Variants in GBP6 observed in about 807,000 individuals in gnomAD.
GBP6 encodes guanylate binding protein family member 6.
GBP6 carries 54 observed loss-of-function variants against 61.5 expected under a neutral mutation model. The observed-to-expected ratio is 0.88, with a 90% CI of 0.71 to 1.10. The LOEUF (loss-of-function observed/expected upper bound fraction) is 1.10. GBP6 is among the 50% of genes least tolerant of loss of function. GBP6 has a pLI of 0.00. For missense variants in GBP6, 748 were observed against 752.8 expected, an observed-to-expected ratio of 0.99 and a Z score of 0.07; for synonymous variants, 255 against 273.7, an observed-to-expected ratio of 0.93 and a Z score of 0.67.
intron 2 of GBP6, 112 bp downstream of exon 2, chr1:89,368,853 C>A: frequency 3.4e-6 from 3 of 876,778 alleles, no homozygotes; most frequent in Non-Finnish European, 5.2e-6. Flanking sequence ...TTCAATAAAC[C>A]AACCTTCTCA....
chr1:89,378,388 A>T (rs1297006651), intron 4 of GBP6, 29 bp from the exon 5 acceptor site: 1 of 1,594,320 alleles, frequency 6.3e-7, no homozygotes, highest in Non-Finnish European at 8.5e-7. Flanking sequence ...TTGTGGGCAG[A>T]CAGTTGCTTT....
In GBP6 at chr1:89,386,127, C is replaced by A. The variant is rs76197787; in HGVS notation, c.*658C>A. 6.7e-6 allele frequency: 1 copy of A among 150,034 alleles called. No homozygotes were observed. Among genetic ancestry groups the A allele is most frequent in the Non-Finnish European group, 1.5e-5 (1 of 67,750 alleles). 9.3% of individuals were successfully genotyped at this position (150,034 alleles called of 1,614,324 possible). On this transcript the variant is annotated 3_prime_UTR_variant, in exon 11 of 11. Coordinates refer to ENST00000370456, the MANE Select transcript of GBP6 (RefSeq NM_198460.3). Reference sequence around the variant, plus strand: ...AATTGACAATGAAGCTCTATTTGTACCAGTAAAGAATGGTCTTGAAGAGAC... The same window carrying A: ...AATTGACAATGAAGCTCTATTTGTAACAGTAAAGAATGGTCTTGAAGAGAC...
chr1:89,366,896 C>G (rs998794265), intron 1 of GBP6, among the ~76,000 whole-genome samples: 2 of 152,132 alleles, frequency 1.3e-5, no homozygotes, highest in Non-Finnish European at 2.9e-5. Context: ...TATTCTAGTA[C>G]CTCATACAAT....
chr1:89,364,548 A>G (rs1188309660), intron 1 of GBP6, among the ~76,000 whole-genome samples: 1 of 151,652 alleles, frequency 6.6e-6, no homozygotes, highest in Non-Finnish European at 1.5e-5. Flanking sequence ...ATAAATCTCT[A>G]TGTAGAAATA....
chr1:89,372,148 T>C (rs1359704128), intron 3 of GBP6, among the ~76,000 whole-genome samples: 2 of 152,076 alleles, frequency 1.3e-5, no homozygotes, highest in African/African-American at 4.8e-5. Context: ...CAAACCACTG[T>C]GCAATGAAAT....
intron 1 of GBP6, among the ~76,000 whole-genome samples, chr1:89,364,524 A>G (rs1652405211): frequency 6.6e-6 from 1 of 152,230 alleles, no homozygotes; most frequent in Non-Finnish European, 1.5e-5. Context: ...GGAAAGCTTC[A>G]GAATAAGAGC....
intron 2 of GBP6, 68 bp from the exon 3 acceptor site, chr1:89,369,478 T>A (rs1350678739): frequency 2.8e-5 from 43 of 1,557,668 alleles, no homozygotes; most frequent in Non-Finnish European, 1.0e-5. Context: ...ACCAGTCTGA[T>A]GCTGTGGCCC....
chr1:89,369,502 C>T (rs1652561519), intron 2 of GBP6, 44 bp from the exon 3 acceptor site: 1 of 1,590,128 alleles, frequency 6.3e-7, no homozygotes, highest in African/African-American at 1.3e-5. Context: ...GGCGGCTTGG[C>T]TGCTCTGCTG....
intron 3 of GBP6, among the ~76,000 whole-genome samples, chr1:89,371,760 G>A (rs1652650249): frequency 6.6e-6 from 1 of 152,198 alleles, no homozygotes. Flanking sequence ...GCACAAGACA[G>A]GGATGCCCTC....
At chr1:89,380,669 G>T in intron 6 of GBP6, 38 bp downstream of exon 6, 1 of 1,594,738 alleles carries the variant, frequency 6.3e-7, no homozygotes, top group South Asian at 1.1e-5. Flanking sequence ...GGCCTCATGT[G>T]TGTTGAATAT....
At position 89,369,570 on chromosome 1, in the gene GBP6, A is replaced by T. The variant is rs1385579014; in HGVS notation, c.215A>T (p.Gln72Leu). The change falls in exon 3 of 11, where the codon CAG becomes CTG. Residue 72 changes from glutamine (Q) to leucine (L), a missense_variant. Transcript: ENST00000370456. ...NHGFPLGSTV[Q>L]SETKGIWMWC... is the part of the protein sequence containing the mutation. ...GGCTTCCCTCTGGGCTCCACGGTGC[A>T]GTCTGAAACCAAGGGCATCTGGATG... The T allele has an allele frequency of 1.9e-6, 3 of 1,613,972 alleles. No individual in the cohort carries two copies. The highest frequency in any genetic ancestry group is 2.5e-6 in the Non-Finnish European group (3 of 1,179,960).
intron 3 of GBP6, among the ~76,000 whole-genome samples, chr1:89,373,228 T>G (rs1313210451): frequency 6.6e-6 from 1 of 152,202 alleles, no homozygotes; most frequent in African/African-American, 2.4e-5. Flanking sequence ...GACCGTAAAC[T>G]AGTTCAACCA....
chr1:89,383,697 G>A lies in GBP6; in HGVS notation c.1411G>A (p.Glu471Lys), dbSNP rs116173091. 1.8e-3 allele frequency: 2,926 copies of A among 1,612,798 alleles called. 41 individuals are homozygous for A. The African/African-American group carries it at 0.032, about 18-fold the overall frequency. The stretch of plus-strand genomic sequence containing the variant: ...GTTCCTGGAGTCACAGATGGTGATA[G>A]AGGAATCCATCTTGCAGTCAGATAA... ...QRFLESQMVIEESILQSDKAL... is the reference protein window; with the variant it reads ...QRFLESQMVIKESILQSDKAL... The change falls in exon 9 of 11, where the codon GAG becomes AAG. Residue 471 changes from glutamate to lysine, a missense_variant. Transcript: ENST00000370456.
In GBP6 at chr1:89,385,687, C is replaced by A. The variant is rs750531015; in HGVS notation, c.*218C>A. The A allele has an allele frequency of 2.4e-6, 1 of 419,924 alleles. No individual in the cohort carries two copies. Among genetic ancestry groups the A allele is most frequent in the Admixed American group, 4.1e-5 (1 of 24,116 alleles). 26.0% of individuals were successfully genotyped at this position (419,924 alleles called of 1,614,324 possible). A position where few individuals can be genotyped will look rare whatever the true frequency, so the allele number is the denominator to read the frequency against. ...AGCTGGGATTATAGGTGTACACCAC[C>A]ACACCCAGCTAATTTTTGTATTTTT... On this transcript the variant is annotated 3_prime_UTR_variant, in exon 11 of 11. Coordinates refer to ENST00000370456, the MANE Select transcript of GBP6 (RefSeq NM_198460.3).
chr1:89,376,473 T>C (rs1201318265), intron 3 of GBP6, among the ~76,000 whole-genome samples: 1 of 152,204 alleles, frequency 6.6e-6, no homozygotes, highest in Non-Finnish European at 1.5e-5. Context: ...GGGACCATCC[T>C]TTCTTCAATA....
At chr1:89,375,760 G>A (rs77161509) in intron 3 of GBP6, among the ~76,000 whole-genome samples, 14,826 of 152,062 alleles carry the variant, frequency 0.097, 986 homozygotes, top group Middle Eastern at 0.16. Context: ...TTAATTTGAC[G>A]CAGTCTCACT....
chr1:89,384,272 G>A lies in GBP6; in HGVS notation c.1648G>A (p.Glu550Lys). 1 of 1,612,034 alleles carries A rather than the reference G, an allele frequency of 6.2e-7. No homozygotes were observed. Among genetic ancestry groups the A allele is most frequent in the Non-Finnish European group, 8.5e-7 (1 of 1,179,118 alleles). Residue 550 changes from glutamate to lysine, a missense_variant, in exon 10 of 11, where the codon GAG (glutamate) becomes AAG (lysine). Transcript: ENST00000370456. Reference sequence around the variant, plus strand: ...ACTGAGAGAGCAGATTATGATGTTGGAGCACACGCAGAAGGTAAGTCTGCC... The same window carrying A: ...ACTGAGAGAGCAGATTATGATGTTGAAGCACACGCAGAAGGTAAGTCTGCC... ...HLLREQIMML[E>K]HTQKVQNDWL...
intron 6 of GBP6, 145 bp from the exon 7 acceptor site, chr1:89,381,549 C>A: frequency 3.0e-6 from 2 of 669,254 alleles, no homozygotes; most frequent in Non-Finnish European, 2.4e-6. Flanking sequence ...GTGATAATAG[C>A]AGAAGGAGGT....
At position 89,368,619 on chromosome 1, in the gene GBP6, T is replaced by C; in HGVS notation, c.68T>C (p.Val23Ala). 1 of 1,614,172 alleles carries C rather than the reference T, an allele frequency of 6.2e-7. No individual in the cohort carries two copies. Among genetic ancestry groups the C allele is most frequent in the African/African-American group, 1.3e-5 (1 of 75,060 alleles). ...LVENNNEQLL[V>A]NQQAIQILEK... ...GAAAATAACAATGAGCAGCTATTGG[T>C]GAACCAGCAAGCTATACAGATTCTT... The change falls in exon 2 of 11, where the codon GTG (valine) becomes GCG (alanine). Residue 23 changes from valine (V) to alanine (A), a missense_variant. Transcript: ENST00000370456.
Sources: allele counts gnomAD v4.1 joint callset (sites outside exome capture counted in the v4.1 genomes callset), GRCh38; gene constraint gnomAD v4.1.1; transcripts MANE v1.5; gene names NCBI Gene and HGNC (gene_info 2026-07-23, HGNC 2026-07-21).